SREBF2: variants seen among roughly 807,000 people sequenced by gnomAD.
SREBF2 encodes sterol regulatory element-binding protein 2.
SREBF2 carries 55 observed loss-of-function variants against 113.1 expected under a neutral mutation model. That is an observed-to-expected ratio of 0.49 (90% CI 0.39 to 0.61). SREBF2 has a LOEUF of 0.61. SREBF2 is among the 20% of genes least tolerant of loss of function. SREBF2 has a pLI of 0.00. For missense variants in SREBF2, 1,349 were observed against 1,487.4 expected, an observed-to-expected ratio of 0.91 and a Z score of 1.53; for synonymous variants, 593 against 605.7, an observed-to-expected ratio of 0.98 and a Z score of 0.31.
At position 41,886,167 on chromosome 22, in the gene SREBF2, G is replaced by A. The variant is rs958289314; in HGVS notation, c.2208+1156G>A. 2.6e-5 allele frequency: 4 copies of A among 152,356 alleles called. No individual in the cohort carries two copies. In the East Asian group the frequency reaches 7.7e-4, roughly 29 times the overall value. The allele number at this position is 152,356 out of a possible 1,614,324, so 9.4% of individuals were successfully genotyped here. A position where few individuals can be genotyped will look rare whatever the true frequency, so the allele number is the denominator to read the frequency against. On this transcript the variant is annotated intron_variant, in intron 11 of 18. Coordinates refer to ENST00000361204, the MANE Select transcript of SREBF2 (RefSeq NM_004599.4). ...TCATGAGGAGGACTGGGCTCCAGGT[G>A]GGGAAAGAACCCCATCCTCACTTGT...
Position 41,905,910 on chromosome 22 carries a change from G to A in SREBF2, c.*250G>A. 1 of 672,450 alleles carries A rather than the reference G, an allele frequency of 1.5e-6. No homozygotes were observed. The highest frequency in any genetic ancestry group is 1.5e-5 in the South Asian group (1 of 66,470). The allele number at this position is 672,450 out of a possible 1,614,324, so 41.7% of individuals were successfully genotyped here. A position where few individuals can be genotyped will look rare whatever the true frequency, so the allele number is the denominator to read the frequency against. ...GGCAGAAACTGGGCAGCCCTGACTT[G>A]ATAGCAGCAGGGGGAGCTCCCAAGC... is the stretch of plus-strand genomic sequence containing the variant. On this transcript the variant is annotated 3_prime_UTR_variant, in exon 19 of 19. Transcript: ENST00000361204.
intron 15 of SREBF2, 114 bp from the exon 16 acceptor site, chr22:41,900,216 C>T (rs1037486926): frequency 7.8e-6 from 12 of 1,542,258 alleles, no homozygotes; most frequent in Admixed American, 7.7e-5. Flanking sequence ...TTGGAGTCAA[C>T]AGATGCACAT....
intron 1 of SREBF2, among the ~76,000 whole-genome samples, chr22:41,856,928 G>T (rs778352927): frequency 2.0e-5 from 3 of 152,002 alleles, no homozygotes; most frequent in South Asian, 4.1e-4. Context: ...TTAGCTGGGC[G>T]TGGTGGCAGG....
At chr22:41,903,178 G>A (rs1256849647) in intron 17 of SREBF2, 23 bp downstream of exon 17, 18 of 1,546,924 alleles carry the variant, frequency 1.2e-5, no homozygotes, top group East Asian at 4.9e-5. Context: ...TGGCTGGTGG[G>A]GCAGGGCAGA....
Position 41,898,645 on chromosome 22 carries a change from C to T in SREBF2, c.2606-4C>T. 1.2e-6 allele frequency: 2 copies of T among 1,613,932 alleles called. No homozygotes were observed. The highest frequency in any genetic ancestry group is 2.2e-5 in the South Asian group (2 of 91,068). On this transcript the variant is annotated splice_region_variant and splice_polypyrimidine_tract_variant and intron_variant, in intron 14 of 18. Coordinates refer to ENST00000361204, the MANE Select transcript of SREBF2 (RefSeq NM_004599.4). The stretch of plus-strand genomic sequence containing the variant: ...GGAGTGCGTTTGGTGCTGTTCTCCT[C>T]TAGGTCCAGACATCATCTGTCGGTG...
chr22:41,867,635 T>C (rs111603428), intron 2 of SREBF2, among the ~76,000 whole-genome samples: 11 of 152,066 alleles, frequency 7.2e-5, no homozygotes, highest in African/African-American at 2.7e-4. Context: ...TGAAACCCCA[T>C]CTCTACTAAA....
chr22:41,871,972 C>T (rs1045740385), intron 4 of SREBF2, among the ~76,000 whole-genome samples: 2 of 150,586 alleles, frequency 1.3e-5, no homozygotes, highest in African/African-American at 4.9e-5. Flanking sequence ...GTCAAGCCAC[C>T]GGGCGCAGTG....
intron 2 of SREBF2, among the ~76,000 whole-genome samples, chr22:41,867,623 A>G (rs561308322): frequency 1.8e-4 from 28 of 152,272 alleles, no homozygotes; most frequent in South Asian, 6.2e-4. Context: ...TGGCTAACTC[A>G]GTGAAACCCC....
chr22:41,865,734 G>A lies in SREBF2; in HGVS notation c.89-1097G>A, dbSNP rs74721329. On this transcript the variant is annotated intron_variant, in intron 1 of 18. Coordinates refer to ENST00000361204, the MANE Select transcript of SREBF2 (RefSeq NM_004599.4). ...GGCTAGCATGGGCCCTGGGAAGCAC[G>A]GAGTTCAGGGTGGGGCAGGCTTGCT... Among the ~76,000 whole-genome samples the A allele has an allele frequency of 2.7e-3, 410 of 152,288 alleles. 1 individual carries two copies. Among genetic ancestry groups the A allele is most frequent in the Non-Finnish European group, 4.6e-3 (315 of 68,014 alleles).
intron 1 of SREBF2, among the ~76,000 whole-genome samples, chr22:41,864,313 ATATATATATATT>A (rs1211949738): frequency 5.3e-4 from 55 of 103,284 alleles, no homozygotes; most frequent in African/African-American, 2.3e-3. Flanking sequence ...ATATATGTAT[ATATATATATATT>A]TTTTTTTTTT....
chr22:41,876,675 TC>T (rs2077200457), intron 7 of SREBF2, among the ~76,000 whole-genome samples: 3 of 152,188 alleles, frequency 2.0e-5, no homozygotes, highest in Admixed American at 2.0e-4. Context: ...CGGTCTTTGA[TC>T]AACTTCATTG....
At chr22:41,885,101 C>G in intron 11 of SREBF2, 90 bp downstream of exon 11, 1 of 1,488,168 alleles carries the variant, frequency 6.7e-7, no homozygotes, top group East Asian at 2.4e-5. Context: ...GAACCCCCTT[C>G]CCCATCAGGT....
intron 1 of SREBF2, among the ~76,000 whole-genome samples, chr22:41,866,586 G>C (rs1395425330): frequency 6.6e-6 from 1 of 152,018 alleles, no homozygotes; most frequent in African/African-American, 2.4e-5. Flanking sequence ...GAGAGAAAGG[G>C]CCTGGAGGTG....
At chr22:41,902,795 G>A (rs185187009) in intron 16 of SREBF2, among the ~76,000 whole-genome samples, 175 bp from the exon 17 acceptor site, 44 of 152,294 alleles carry the variant, frequency 2.9e-4, no homozygotes, top group Non-Finnish European at 4.3e-4. Flanking sequence ...GAAGGAACTG[G>A]TTCTCCCCTG....
At chr22:41,835,471 C>A (rs1056363130) in intron 1 of SREBF2, among the ~76,000 whole-genome samples, 10 of 151,730 alleles carry the variant, frequency 6.6e-5, no homozygotes, top group Non-Finnish European at 1.0e-4. Flanking sequence ...CCACCACGCC[C>A]GGCTAATTTT....
At position 41,894,889 on chromosome 22, in the gene SREBF2, T is replaced by G. The variant is rs1267317624; in HGVS notation, c.2447T>G (p.Val816Gly). ...NLLERAIESL[V>G]KPQAKKKAGD... ...CTGGAGCGAGCTATAGAGTCCTTGGTGAAACCTCAGGCCAAGAAGAAGGCT... is the reference window on the plus strand; with the variant it reads ...CTGGAGCGAGCTATAGAGTCCTTGGGGAAACCTCAGGCCAAGAAGAAGGCT... The change falls in exon 13 of 19, where the codon GTG (valine) becomes GGG (glycine). Residue 816 changes from valine to glycine, a missense_variant. Val to Gly is a moderately radical substitution (Grantham distance 109). Transcript: ENST00000361204. The G allele has an allele frequency of 5.0e-6, 8 of 1,614,002 alleles. No homozygotes were observed.
Position 41,835,875 on chromosome 22 carries a change from T to C in SREBF2, c.88+2517T>C, listed in dbSNP as rs114525286. ...TCCAGGCACATGCAGTCCTCCTGTC[T>C]TGGCCTCCCAAAGTGCTGGGATTAC... is the stretch of plus-strand genomic sequence containing the variant. On this transcript the variant is annotated intron_variant, in intron 1 of 18. Transcript: ENST00000361204. 4.5e-3 allele frequency among the ~76,000 whole-genome samples: 690 copies of C among 152,372 alleles called. 6 individuals carry two copies. Among genetic ancestry groups the C allele is most frequent in the African/African-American group, 0.016 (673 of 41,592 alleles).
At chr22:41,898,536 C>A in intron 14 of SREBF2, 113 bp from the exon 15 acceptor site, 2 of 1,441,682 alleles carry the variant, frequency 1.4e-6, no homozygotes, top group East Asian at 2.4e-5. Context: ...CTGGCCCGTT[C>A]CCAGCAGGCA....
chr22:41,869,980 C>T (rs1031652091), intron 3 of SREBF2, among the ~76,000 whole-genome samples: 8 of 151,918 alleles, frequency 5.3e-5, no homozygotes, highest in Non-Finnish European at 7.4e-5. Context: ...CTCGGCCTCC[C>T]GAGTAGCTGG....
Sources: allele counts gnomAD v4.1 joint callset (sites outside exome capture counted in the v4.1 genomes callset), GRCh38; gene constraint gnomAD v4.1.1; transcripts MANE v1.5; gene names NCBI Gene and HGNC (gene_info 2026-07-23, HGNC 2026-07-21).